Variants in SRP68 observed in about 807,000 individuals in gnomAD.
SRP68 encodes the protein signal recognition particle 68, also known as signal recognition particle subunit SRP68.
Under a neutral mutation model 82.2 loss-of-function variants are expected in SRP68, and 15 were observed. That is an observed-to-expected ratio of 0.18 (90% CI 0.12 to 0.28). The LOEUF (loss-of-function observed/expected upper bound fraction) is 0.28. SRP68 is among the 10% of genes least tolerant of loss of function. The pLI is 1.00. For missense variants in SRP68, 595 were observed against 780.5 expected, an observed-to-expected ratio of 0.76 and a Z score of 2.83; for synonymous variants, 261 against 292.6, an observed-to-expected ratio of 0.89 and a Z score of 1.10.
At chr17:76,061,339 G>A (rs2066750939) in intron 5 of SRP68, 120 bp from the exon 6 acceptor site, 2 of 947,192 alleles carry the variant, frequency 2.1e-6, no homozygotes, top group Non-Finnish European at 3.3e-6. Context: ...ACCATAACTG[G>A]CATGTTCTAA....
intron 8 of SRP68, among the ~76,000 whole-genome samples, chr17:76,054,170 C>T (rs2066695855): frequency 6.6e-6 from 1 of 152,232 alleles, no homozygotes; most frequent in East Asian, 1.9e-4. Context: ...GTTCTCTCGT[C>T]AGGCTCAGTT....
Position 76,039,460 on chromosome 17 carries a change from C to T in SRP68, c.*246G>A, listed in dbSNP as rs2066572414. On this transcript the variant is annotated 3_prime_UTR_variant, in exon 16 of 16. Transcript: ENST00000307877. ...CACAGGGCACCAGACAGCAGCGGCC[C>T]CTTTCCCAGGAGGTACAGGAGACAG... 1.5e-6 allele frequency: 1 copy of T among 651,930 alleles called. No homozygotes were observed. Among genetic ancestry groups the T allele is most frequent in the Non-Finnish European group, 2.8e-6 (1 of 354,124 alleles). The allele number at this position is 651,930 out of a possible 1,614,324, so 40.4% of individuals were successfully genotyped here.
chr17:76,068,881 G>C (rs1259448535), intron 2 of SRP68, among the ~76,000 whole-genome samples: 1 of 152,034 alleles, frequency 6.6e-6, no homozygotes, highest in South Asian at 2.1e-4. Flanking sequence ...TGGCACTATG[G>C]CATGTGCCAC....
At chr17:76,061,005 CGAA>C in intron 6 of SRP68, 102 bp downstream of exon 6, 1 of 761,700 alleles carries the variant, frequency 1.3e-6, no homozygotes, top group Non-Finnish European at 2.2e-6. Flanking sequence ...TGGAGGCAAG[CGAA>C]GAAGAAAGTT....
At chr17:76,057,794 C>G (rs918844963) in intron 7 of SRP68, among the ~76,000 whole-genome samples, 3 of 151,972 alleles carry the variant, frequency 2.0e-5, no homozygotes, top group African/African-American at 4.8e-5. Flanking sequence ...TGTGCCTTAG[C>G]CTCCTGAGAA....
chr17:76,050,123 G>A (rs2066660759), intron 9 of SRP68, among the ~76,000 whole-genome samples: 1 of 152,160 alleles, frequency 6.6e-6, no homozygotes, highest in South Asian at 2.1e-4. Context: ...TCAACCACAG[G>A]GATAGTGTTT....
chr17:76,067,762 G>A (rs556680673), intron 2 of SRP68, among the ~76,000 whole-genome samples: 3 of 151,862 alleles, frequency 2.0e-5, no homozygotes, highest in South Asian at 4.2e-4. Flanking sequence ...CACCATACCC[G>A]GCCCTAAACA....
In SRP68 at chr17:76,046,478, A is replaced by C. The variant is rs554315979; in HGVS notation, c.1143-284T>G. Among the ~76,000 whole-genome samples the C allele has an allele frequency of 2.4e-3, 294 of 120,366 alleles. 5 individuals are homozygous for C. In the South Asian group the frequency reaches 0.051, roughly 21 times the overall value. The allele number at this position is 120,366 out of a possible 152,430, so 79.0% of individuals were successfully genotyped here. A position where few individuals can be genotyped will look rare whatever the true frequency, so the allele number is the denominator to read the frequency against. On this transcript the variant is annotated intron_variant, in intron 10 of 15. Transcript: ENST00000307877. ...AACCACACAGTGGAAAAAAAAAAAAAAAAAAACAAAAAACAGAGAGTGGGA... is the reference window on the plus strand; with the variant it reads ...AACCACACAGTGGAAAAAAAAAAAACAAAAAACAAAAAACAGAGAGTGGGA...
intron 4 of SRP68, among the ~76,000 whole-genome samples, chr17:76,063,017 A>G (rs534877816): frequency 2.1e-4 from 31 of 151,210 alleles, no homozygotes; most frequent in Admixed American, 3.3e-4. Context: ...TGATCTGCCC[A>G]CCTTGGCCTC....
At chr17:76,059,413 G>A (rs2066734920) in intron 7 of SRP68, among the ~76,000 whole-genome samples, 1 of 152,050 alleles carries the variant, frequency 6.6e-6, no homozygotes, top group South Asian at 2.1e-4. Flanking sequence ...GTGGTGGCGG[G>A]CGCCTGTAAT....
At chr17:76,061,959 C>T (rs1598267302) in intron 4 of SRP68, among the ~76,000 whole-genome samples, 1 of 150,906 alleles carries the variant, frequency 6.6e-6, no homozygotes, top group Non-Finnish European at 1.5e-5. Flanking sequence ...GGCAACACAG[C>T]AAGATCTCAT....
Position 76,057,542 on chromosome 17 carries a change from G to C in SRP68, c.839C>G (p.Ala280Gly), listed in dbSNP as rs1286981207. 1.2e-6 allele frequency: 2 copies of C among 1,613,926 alleles called. No individual in the cohort carries two copies. The highest frequency in any genetic ancestry group is 2.7e-5 in the African/African-American group (2 of 74,904). Residue 280 changes from alanine (A) to glycine (G), a missense_variant and splice_region_variant, in exon 8 of 16, where the codon GCT (alanine) becomes GGT (glycine). Ala to Gly is a moderately conservative substitution (Grantham distance 60). Around this residue, in one of 2 missense-constraint regions of SRP68, gnomAD observed 495 missense variants for 688.6 expected, o/e 0.72. Transcript: ENST00000307877. ...TTTGGCTCGAGTCTGAGTGATCAAA[G>C]CCTGAAAAATAGTTTAAAAAAGTTA... ...TEGLLAEKLE[A>G]LITQTRAKQA... is the part of the protein sequence containing the mutation.
chr17:76,049,711 T>C (rs2066657764), intron 9 of SRP68: 1 of 152,250 alleles, frequency 6.6e-6, no homozygotes, highest in Admixed American at 6.5e-5. Flanking sequence ...ATGCAGTTTA[T>C]ATATGACAAA....
At chr17:76,040,742 A>T (rs765348935) in intron 14 of SRP68, 161 bp downstream of exon 14, 21 of 719,146 alleles carry the variant, frequency 2.9e-5, no homozygotes, top group Non-Finnish European at 4.5e-5. Flanking sequence ...AAATGCTTCT[A>T]CACAATCTGA....
chr17:76,062,810 C>A (rs1377126054), intron 4 of SRP68, among the ~76,000 whole-genome samples: 4 of 117,400 alleles, frequency 3.4e-5, no homozygotes, highest in South Asian at 2.5e-4. Flanking sequence ...TTGCTCTGTC[C>A]CCCAGGCTGG....
At position 76,046,101 on chromosome 17, in the gene SRP68, C is replaced by G; in HGVS notation, c.1236G>C (p.Glu412Asp). Reference sequence around the variant, plus strand: ...GCCGGGGTGAGCGCTTGCTGTCATCCTCTGGCTGCTGCTGCAGCAGAGCCC... The same window carrying G: ...GCCGGGGTGAGCGCTTGCTGTCATCGTCTGGCTGCTGCTGCAGCAGAGCCC... ...LQRALLQQQP[E>D]DDSKRSPRPQ... Residue 412 changes from glutamate (E) to aspartate (D), a missense_variant, in exon 11 of 16, where the codon GAG becomes GAC. By Grantham distance (45) the Glu-to-Asp change is conservative. Around this residue, in one of 2 missense-constraint regions of SRP68, gnomAD observed 495 missense variants for 688.6 expected, o/e 0.72. Coordinates refer to ENST00000307877, the MANE Select transcript of SRP68 (RefSeq NM_014230.4). The G allele has an allele frequency of 6.2e-7, 1 of 1,613,970 alleles. No individual in the cohort carries two copies.
At chr17:76,068,184 C>T (rs1458409938) in intron 2 of SRP68, among the ~76,000 whole-genome samples, 1 of 151,944 alleles carries the variant, frequency 6.6e-6, no homozygotes, top group Non-Finnish European at 1.5e-5. Flanking sequence ...CCAGCCTACT[C>T]GGGAGGATGA....
intron 9 of SRP68, 139 bp downstream of exon 9, chr17:76,050,289 A>T: frequency 3.6e-5 from 20 of 558,888 alleles, no homozygotes; most frequent in Non-Finnish European, 6.5e-5. Context: ...CTCCCTTACG[A>T]CCTCACCTCA....
chr17:76,045,268 A>G, intron 12 of SRP68, 24 bp downstream of exon 12: 1 of 1,592,654 alleles, frequency 6.3e-7, no homozygotes, highest in Non-Finnish European at 8.6e-7. Context: ...GCGGAGGAAA[A>G]CTGCCCATCC....
Sources: allele counts gnomAD v4.1 joint callset (sites outside exome capture counted in the v4.1 genomes callset), GRCh38; gene constraint gnomAD v4.1.1; regional missense constraint gnomAD v4.1.1; transcripts MANE v1.5; gene names NCBI Gene and HGNC (gene_info 2026-07-23, HGNC 2026-07-21).